Variants in CFAP299 observed in about 807,000 individuals in gnomAD.
CFAP299 encodes cilia- and flagella-associated protein 299.
CFAP299 carries 21 observed loss-of-function variants against 27.0 expected under a neutral mutation model. The ratio of observed to expected loss-of-function variants is 0.78; its 90% confidence interval spans 0.55 to 1.12. The LOEUF (loss-of-function observed/expected upper bound fraction) is 1.12, where lower values mean the gene tolerates loss of function less well. CFAP299 is among the 50% of genes most tolerant of loss of function. The pLI, the probability that CFAP299 is intolerant of heterozygous loss-of-function variation, is 0.00. For missense variants in CFAP299, 310 were observed against 276.6 expected, an observed-to-expected ratio of 1.12 and a Z score of -0.86; for synonymous variants, 104 against 98.1, an observed-to-expected ratio of 1.06 and a Z score of -0.36.
At chr4:80,679,613 C>A (rs761532556) in intron 3 of CFAP299, among the ~76,000 whole-genome samples, 5 of 151,784 alleles carry the variant, frequency 3.3e-5, no homozygotes, top group Non-Finnish European at 7.4e-5. Flanking sequence ...AAAATGGCTA[C>A]TAATAGGTGT....
intron 4 of CFAP299, chr4:80,870,464 T>C (rs898466305): frequency 9.9e-5 from 100 of 1,007,230 alleles, no homozygotes; most frequent in Admixed American, 1.8e-4. Flanking sequence ...CCTCAAGAAC[T>C]GCTCATCTAA....
chr4:80,432,431 G>A (rs975575757), intron 2 of CFAP299, among the ~76,000 whole-genome samples: 8 of 152,174 alleles, frequency 5.3e-5, no homozygotes, highest in Admixed American at 2.0e-4. Context: ...GATTACAGGC[G>A]TGAGCAACCA....
At chr4:80,612,611 C>T in intron 3 of CFAP299, among the ~76,000 whole-genome samples, 1 of 152,026 alleles carries the variant, frequency 6.6e-6, no homozygotes, top group East Asian at 1.9e-4. Flanking sequence ...TGAATTGTCC[C>T]TATTTGTTTA....
At chr4:80,657,299 GC>G (rs918598717) in intron 3 of CFAP299, among the ~76,000 whole-genome samples, 51 of 152,144 alleles carry the variant, frequency 3.4e-4, no homozygotes, top group African/African-American at 1.2e-3. Flanking sequence ...TGAAGTCTTT[GC>G]CCATGCCTAT....
chr4:80,372,317 C>T (rs1724185426), intron 2 of CFAP299, among the ~76,000 whole-genome samples: 1 of 152,198 alleles, frequency 6.6e-6, no homozygotes, highest in South Asian at 2.1e-4. Flanking sequence ...TCACCTCCAA[C>T]ACTGGGGATT....
chr4:80,889,596 A>G (rs1734149065), intron 4 of CFAP299, among the ~76,000 whole-genome samples: 1 of 152,096 alleles, frequency 6.6e-6, no homozygotes, highest in Non-Finnish European at 1.5e-5. Context: ...AAAATAGAGG[A>G]AGACAGAATA....
intron 4 of CFAP299, among the ~76,000 whole-genome samples, chr4:80,912,903 G>A (rs924511218): frequency 6.6e-6 from 1 of 152,096 alleles, no homozygotes; most frequent in Admixed American, 6.5e-5. Context: ...AAAAACAGGA[G>A]TGCGGAATAG....
intron 2 of CFAP299, among the ~76,000 whole-genome samples, chr4:80,366,532 T>C (rs1257663319): frequency 6.6e-6 from 1 of 152,218 alleles, no homozygotes; most frequent in East Asian, 1.9e-4. Context: ...GGCTCTGTGC[T>C]GTAGGCTCTG....
intron 4 of CFAP299, among the ~76,000 whole-genome samples, chr4:80,935,637 A>G (rs1426775201): frequency 6.6e-6 from 1 of 152,172 alleles, no homozygotes; most frequent in African/African-American, 2.4e-5. Context: ...AGGCAATACC[A>G]TTCTGGATAT....
intron 2 of CFAP299, among the ~76,000 whole-genome samples, chr4:80,406,457 C>T (rs1578408891): frequency 1.3e-5 from 2 of 152,162 alleles, no homozygotes; most frequent in South Asian, 2.1e-4. Context: ...CCTCAATCTT[C>T]AGCTGTAAGG....
At chr4:80,590,018 C>T (rs941065597) in intron 3 of CFAP299, among the ~76,000 whole-genome samples, 7 of 152,084 alleles carry the variant, frequency 4.6e-5, no homozygotes, top group Non-Finnish European at 1.5e-5. Context: ...TAGCATTGCT[C>T]ATAATAGCAG....
At chr4:80,782,671 A>AGC (rs1560749252) in intron 3 of CFAP299, among the ~76,000 whole-genome samples, 5 of 126,842 alleles carry the variant, frequency 3.9e-5, no homozygotes, top group Admixed American at 1.6e-4. Context: ...ATTCATATAT[A>AGC]ATATACATAT....
intron 2 of CFAP299, among the ~76,000 whole-genome samples, chr4:80,477,078 G>C (rs1197256620): frequency 6.6e-6 from 1 of 151,932 alleles, no homozygotes; most frequent in East Asian, 1.9e-4. Context: ...TTGAGACAGG[G>C]TCTCATTCTG....
At chr4:80,558,407 C>T (rs1317139303) in intron 2 of CFAP299, among the ~76,000 whole-genome samples, 1 of 131,844 alleles carries the variant, frequency 7.6e-6, no homozygotes. Context: ...TCATAGCTCT[C>T]TAGATTATTA....
chr4:80,860,965 T>G (rs886260335), intron 3 of CFAP299, among the ~76,000 whole-genome samples: 6 of 152,230 alleles, frequency 3.9e-5, no homozygotes, highest in Admixed American at 1.3e-4. Context: ...CATTTAAGTC[T>G]GCAGAGGTTA....
At chr4:80,666,522 A>G (rs1439107534) in intron 3 of CFAP299, among the ~76,000 whole-genome samples, 1 of 151,424 alleles carries the variant, frequency 6.6e-6, no homozygotes, top group Non-Finnish European at 1.5e-5. Context: ...AGTCAAGGAT[A>G]TCATCATTTG....
At chr4:80,672,431 T>C (rs1253231802) in intron 3 of CFAP299, among the ~76,000 whole-genome samples, 1 of 152,228 alleles carries the variant, frequency 6.6e-6, no homozygotes, top group Non-Finnish European at 1.5e-5. Context: ...GATTTTCACG[T>C]TGATGTTCAT....
intron 4 of CFAP299, among the ~76,000 whole-genome samples, chr4:80,928,375 T>C (rs994203300): frequency 1.3e-5 from 2 of 152,080 alleles, no homozygotes; most frequent in African/African-American, 4.8e-5. Context: ...TTATACTGAT[T>C]TCTTTTAATG....
In CFAP299 at chr4:80,704,762, A is replaced by G. The variant is rs552058055; in HGVS notation, c.333+121579A>G. Among the ~76,000 whole-genome samples, 3 of 151,934 alleles carry G rather than the reference A, an allele frequency of 2.0e-5. No individual in the cohort carries two copies. The South Asian group carries it at 6.2e-4, about 31-fold the overall frequency. Reference sequence around the variant, plus strand: ...ACCAGCTCTGACTGTTCTAGATAGAACTATGTCTGCAAATGTAGCAAGCAC... The same window carrying G: ...ACCAGCTCTGACTGTTCTAGATAGAGCTATGTCTGCAAATGTAGCAAGCAC... On this transcript the variant is annotated intron_variant, in intron 3 of 5. Transcript: ENST00000358105.
Sources: gnomAD v4.1 joint callset for allele counts (sites outside exome capture counted in the v4.1 genomes callset) on GRCh38, gnomAD v4.1.1 for gene constraint, MANE v1.5 for transcripts, NCBI Gene and HGNC (gene_info 2026-07-23, HGNC 2026-07-21) for gene names.